The following RNGTT variants were observed in gnomAD, a reference collection of about 807,000 sequenced individuals.
RNGTT encodes the protein RNA guanylyltransferase and 5'-phosphatase.
Under a neutral mutation model 79.3 loss-of-function variants are expected in RNGTT, and 33 were observed. That is an observed-to-expected ratio of 0.42 (90% confidence interval 0.32 to 0.56). The LOEUF (loss-of-function observed/expected upper bound fraction) is 0.56, where lower values mean the gene tolerates loss of function less well. Ranked by LOEUF, RNGTT falls within the 20% of genes least tolerant of loss-of-function variation. The probability of loss-of-function intolerance (pLI) is 0.17; values close to 1 mark genes in which losing one functional copy is unlikely to be tolerated. For missense variants in RNGTT, 497 were observed against 739.1 expected (o/e 0.67, Z 3.80); for synonymous variants, 222 against 235.9 (o/e 0.94, Z 0.54).
intron 13 of RNGTT, among the ~76,000 whole-genome samples, chr6:88,718,174 G>A (rs1312296239): frequency 2.6e-5 from 4 of 152,026 alleles, no homozygotes; most frequent in African/African-American, 7.3e-5. Context: ...ATTACTTGAG[G>A]CCAGGAGTTC....
chr6:88,944,854 T>C (rs1369663323), intron 1 of RNGTT, among the ~76,000 whole-genome samples: 2 of 152,216 alleles, frequency 1.3e-5, no homozygotes, highest in Non-Finnish European at 1.5e-5. Flanking sequence ...TCCTCCTGAA[T>C]GTGACTACAT....
chr6:88,675,269 T>C (rs1774826562), intron 14 of RNGTT, among the ~76,000 whole-genome samples: 1 of 152,296 alleles, frequency 6.6e-6, no homozygotes, highest in Admixed American at 6.5e-5. Context: ...CCTCAACTAA[T>C]ATTACTATAA....
intron 2 of RNGTT, among the ~76,000 whole-genome samples, chr6:88,936,204 G>C (rs1029436524): frequency 6.6e-6 from 1 of 152,104 alleles, no homozygotes; most frequent in Admixed American, 6.6e-5. Flanking sequence ...AGCACTTTGG[G>C]GTCAAAGGTG....
At chr6:88,892,044 A>G in intron 6 of RNGTT, 129 bp from the exon 7 acceptor site, 1 of 614,334 alleles carries the variant, frequency 1.6e-6, no homozygotes, top group Non-Finnish European at 2.7e-6. Context: ...AATATATCTA[A>G]CAGAAACGGT....
chr6:88,919,733 T>TTTTTG (rs58419557), intron 4 of RNGTT, among the ~76,000 whole-genome samples: 2 of 142,120 alleles, frequency 1.4e-5, no homozygotes, highest in African/African-American at 5.6e-5. Flanking sequence ...TTTTTTTTTT[T>TTTTTG]GAGACGGAGT....
chr6:88,760,772 C>A (rs1778190073), intron 13 of RNGTT, among the ~76,000 whole-genome samples: 3 of 152,054 alleles, frequency 2.0e-5, no homozygotes, highest in Admixed American at 2.0e-4. Context: ...CTTAATCCTT[C>A]CTTATATAAG....
At chr6:88,720,885 TG>T (rs1776686585) in intron 13 of RNGTT, among the ~76,000 whole-genome samples, 1 of 152,080 alleles carries the variant, frequency 6.6e-6, no homozygotes, top group Non-Finnish European at 1.5e-5. Context: ...AAATTGCAAA[TG>T]TTAAGGAAAT....
chr6:88,633,759 G>T (rs1772993439), intron 14 of RNGTT, among the ~76,000 whole-genome samples: 1 of 152,026 alleles, frequency 6.6e-6, no homozygotes, highest in Non-Finnish European at 1.5e-5. Flanking sequence ...AAATCATAAG[G>T]GTAATTAGTA....
intron 14 of RNGTT, among the ~76,000 whole-genome samples, chr6:88,631,654 T>G (rs763036097): frequency 8.5e-5 from 13 of 152,118 alleles, no homozygotes; most frequent in Non-Finnish European, 1.5e-4. Flanking sequence ...TACATTTTTT[T>G]TTTAAGGCCC....
intron 14 of RNGTT, among the ~76,000 whole-genome samples, chr6:88,656,049 G>GA (rs1315747433): frequency 6.6e-6 from 1 of 151,964 alleles, no homozygotes; most frequent in East Asian, 1.9e-4. Context: ...AATAAGATGT[G>GA]AAAAATAGAA....
At chr6:88,617,611 C>A (rs1242570998) in intron 14 of RNGTT, among the ~76,000 whole-genome samples, 2 of 152,134 alleles carry the variant, frequency 1.3e-5, no homozygotes, top group Non-Finnish European at 2.9e-5. Context: ...GTTTTGAAAT[C>A]AGGAAGTGTG....
chr6:88,829,385 C>T (rs1027410071), intron 11 of RNGTT, among the ~76,000 whole-genome samples: 2 of 151,952 alleles, frequency 1.3e-5, no homozygotes, highest in South Asian at 2.1e-4. Context: ...GCACCAAATA[C>T]GGAAGGAAAA....
intron 13 of RNGTT, among the ~76,000 whole-genome samples, chr6:88,713,114 C>T (rs1311811134): frequency 6.6e-6 from 1 of 152,060 alleles, no homozygotes; most frequent in Non-Finnish European, 1.5e-5. Context: ...CCCTAACCCT[C>T]AAAGAGATGG....
Position 88,915,046 on chromosome 6 carries a change from G to T in RNGTT, c.368-8606C>A, listed in dbSNP as rs143843391. ...GCTCACCATCAATTACCAGGGACAT[G>T]CAAATAAAAACCACAATGAGATACC... On this transcript the variant is annotated intron_variant, in intron 4 of 15. Coordinates refer to ENST00000369485, the MANE Select transcript of RNGTT (RefSeq NM_003800.5). Among the ~76,000 whole-genome samples, 756 of 152,236 alleles carry T rather than the reference G, an allele frequency of 5.0e-3. 5 individuals carry two copies. Among genetic ancestry groups the T allele is most frequent in the African/African-American group, 0.017 (696 of 41,544 alleles).
intron 12 of RNGTT, among the ~76,000 whole-genome samples, chr6:88,790,780 A>G (rs1779381333): frequency 6.6e-6 from 1 of 152,216 alleles, no homozygotes; most frequent in South Asian, 2.1e-4. Flanking sequence ...CTTCCCCAGA[A>G]GAAAAATTTT....
At chr6:88,679,385 G>C (rs1309837742) in intron 13 of RNGTT, among the ~76,000 whole-genome samples, 1 of 152,206 alleles carries the variant, frequency 6.6e-6, no homozygotes, top group Non-Finnish European at 1.5e-5. Context: ...TTGAGATAAA[G>C]AGGGCACAAG....
At chr6:88,880,906 T>C (rs1782676057) in intron 8 of RNGTT, among the ~76,000 whole-genome samples, 1 of 152,156 alleles carries the variant, frequency 6.6e-6, no homozygotes, top group Non-Finnish European at 1.5e-5. Flanking sequence ...ATAAATCCTA[T>C]TATAAAATTC....
intron 11 of RNGTT, among the ~76,000 whole-genome samples, chr6:88,805,822 C>T (rs1031839330): frequency 2.6e-5 from 4 of 152,134 alleles, no homozygotes; most frequent in African/African-American, 7.2e-5. Context: ...CTCTGTGGTA[C>T]AGGGGAGCAG....
intron 11 of RNGTT, among the ~76,000 whole-genome samples, chr6:88,827,638 C>G (rs1477334148): frequency 1.3e-5 from 2 of 152,228 alleles, no homozygotes; most frequent in Non-Finnish European, 2.9e-5. Context: ...CTAAGATCCA[C>G]TGGCTTGAAA....
Sources: allele counts gnomAD v4.1 joint callset (sites outside exome capture counted in the v4.1 genomes callset), GRCh38; gene constraint gnomAD v4.1.1; transcripts MANE v1.5; gene names NCBI Gene and HGNC (gene_info 2026-07-23, HGNC 2026-07-21).